The following SDK1 variants were observed in gnomAD, a reference collection of about 807,000 sequenced individuals.
The protein encoded by SDK1 is sidekick cell adhesion molecule 1.
SDK1 carries 157 observed loss-of-function variants against 245.5 expected under a neutral mutation model. The ratio of observed to expected loss-of-function variants is 0.64; its 90% CI spans 0.56 to 0.73. The LOEUF is 0.73. Among genes scored for constraint, SDK1 ranks in the 30% least tolerant of loss-of-function variants. SDK1 has a pLI of 0.00. For synonymous variants in SDK1, 1,647 were observed against 1,278.5 expected, an observed-to-expected ratio of 1.29 and a Z score of -6.15; for missense variants, 3,583 against 3,002.3, an observed-to-expected ratio of 1.19 and a Z score of -4.52.
At chr7:4,158,810 T>A (rs1420301043) in intron 31 of SDK1, among the ~76,000 whole-genome samples, 1 of 152,204 alleles carries the variant, frequency 6.6e-6, no homozygotes, top group East Asian at 1.9e-4. Flanking sequence ...ATCCCAGAAA[T>A]TGAATAATTG....
chr7:3,858,576 A>G (rs978458728), intron 5 of SDK1, among the ~76,000 whole-genome samples: 2 of 152,038 alleles, frequency 1.3e-5, no homozygotes, highest in South Asian at 4.2e-4. Context: ...CAAGTCGTCT[A>G]TGTCTGCTTT....
chr7:3,707,903 G>A (rs1784936485), intron 4 of SDK1, among the ~76,000 whole-genome samples: 1 of 152,050 alleles, frequency 6.6e-6, no homozygotes, highest in Non-Finnish European at 1.5e-5. Context: ...CTATTTGCAT[G>A]GAATATCTTT....
chr7:4,234,154 G>A (rs1206941528), intron 41 of SDK1, among the ~76,000 whole-genome samples: 1 of 152,210 alleles, frequency 6.6e-6, no homozygotes, highest in African/African-American at 2.4e-5. Context: ...CCAGCGGAGG[G>A]GCCGGGGATA....
intron 4 of SDK1, among the ~76,000 whole-genome samples, chr7:3,773,234 A>C (rs1355352455): frequency 1.3e-5 from 2 of 151,756 alleles, no homozygotes; most frequent in South Asian, 2.1e-4. Flanking sequence ...ACTTTTCTTC[A>C]ATCTTTTTTC....
At chr7:3,447,999 C>T (rs529063157) in intron 1 of SDK1, among the ~76,000 whole-genome samples, 3 of 152,206 alleles carry the variant, frequency 2.0e-5, no homozygotes, top group Non-Finnish European at 2.9e-5. Flanking sequence ...CCACTGCACC[C>T]GGCCTATATA....
At position 3,545,303 on chromosome 7, in the gene SDK1, A is replaced by G. The variant is rs112493951; in HGVS notation, c.299-73777A>G. ...AGGGGTCAGAAAAATGGTGGGGCAC[A>G]CCAAATAAACATTTTGGCAGGCGGT... is the stretch of plus-strand genomic sequence containing the variant. On this transcript the variant is annotated intron_variant, in intron 1 of 44. Coordinates refer to ENST00000404826, the MANE Select transcript of SDK1 (RefSeq NM_152744.4). 8.6e-3 allele frequency among the ~76,000 whole-genome samples: 1,312 copies of G among 152,300 alleles called. 23 individuals carry two copies. The highest frequency in any genetic ancestry group is 0.03 in the African/African-American group (1,233 of 41,562).
chr7:3,974,228 A>T, intron 12 of SDK1, 141 bp from the exon 13 acceptor site: 1 of 589,256 alleles, frequency 1.7e-6, no homozygotes, highest in Non-Finnish European at 2.8e-6. Context: ...AAGAAAAATC[A>T]CTCTTTTAAA....
intron 28 of SDK1, among the ~76,000 whole-genome samples, chr7:4,137,785 A>T (rs751829610): frequency 6.6e-6 from 1 of 152,132 alleles, no homozygotes; most frequent in Non-Finnish European, 1.5e-5. Flanking sequence ...AGTGCAGCGC[A>T]CTGATGTTTC....
chr7:3,560,190 ACT>A (rs1779704089), intron 1 of SDK1, among the ~76,000 whole-genome samples: 1 of 152,228 alleles, frequency 6.6e-6, no homozygotes, highest in African/African-American at 2.4e-5. Flanking sequence ...CGCAAAATAC[ACT>A]GTTTATCTTG....
At chr7:3,462,257 T>C (rs931592450) in intron 1 of SDK1, among the ~76,000 whole-genome samples, 1 of 152,176 alleles carries the variant, frequency 6.6e-6, no homozygotes, top group Non-Finnish European at 1.5e-5. Context: ...TTGAAATACC[T>C]GTAACAAGCA....
intron 4 of SDK1, among the ~76,000 whole-genome samples, chr7:3,784,202 A>AC (rs552130970): frequency 6.6e-6 from 1 of 151,504 alleles, no homozygotes; most frequent in South Asian, 2.1e-4. Context: ...TACAGGCATG[A>AC]CCCCCATGCC....
intron 5 of SDK1, among the ~76,000 whole-genome samples, chr7:3,921,358 C>G (rs1779580023): frequency 6.6e-6 from 1 of 152,140 alleles, no homozygotes; most frequent in African/African-American, 2.4e-5. Context: ...ATTTATTAAC[C>G]TGTCTCCATC....
At chr7:4,052,108 C>T (rs1562733286) in intron 19 of SDK1, among the ~76,000 whole-genome samples, 1 of 151,746 alleles carries the variant, frequency 6.6e-6, no homozygotes, top group Non-Finnish European at 1.5e-5. Context: ...CAGCTTTGGT[C>T]TTGCTGAACT....
intron 1 of SDK1, among the ~76,000 whole-genome samples, chr7:3,605,908 A>C (rs952587469): frequency 4.0e-5 from 6 of 151,690 alleles, no homozygotes; most frequent in African/African-American, 1.5e-4. Context: ...TTTTTAATTG[A>C]TGATTTTTTA....
At position 4,267,615 on chromosome 7, in the gene SDK1, C is replaced by G. The variant is rs867856690; in HGVS notation, c.*2231C>G. The G allele has an allele frequency of 5.1e-6, 5 of 985,470 alleles. No individual in the cohort carries two copies. Among genetic ancestry groups the G allele is most frequent in the Non-Finnish European group, 6.0e-6 (5 of 829,944 alleles). 61.0% of individuals were successfully genotyped at this position (985,470 alleles called of 1,614,324 possible). ...CTTTCTGTGCACTCTGATGACTGCT[C>G]TCTGCAGCCATGAGGATGTGGCTTT... On this transcript the variant is annotated 3_prime_UTR_variant, in exon 45 of 45. Coordinates refer to ENST00000404826, the MANE Select transcript of SDK1 (RefSeq NM_152744.4).
At chr7:3,562,957 A>G (rs970984636) in intron 1 of SDK1, among the ~76,000 whole-genome samples, 2 of 151,554 alleles carry the variant, frequency 1.3e-5, no homozygotes, top group Non-Finnish European at 2.9e-5. Context: ...GGCAAAGTTC[A>G]TTGATGTCTT....
chr7:3,984,574 A>C (rs1280839963), intron 13 of SDK1, among the ~76,000 whole-genome samples: 3 of 152,108 alleles, frequency 2.0e-5, no homozygotes, highest in African/African-American at 7.2e-5. Context: ...GCCTGTTCAC[A>C]TCTTATAGCA....
At chr7:3,529,764 G>C (rs2128617608) in intron 1 of SDK1, among the ~76,000 whole-genome samples, 1 of 152,286 alleles carries the variant, frequency 6.6e-6, no homozygotes, top group African/African-American at 2.4e-5. Context: ...ATTAATTACA[G>C]AGGGAGAGCT....
intron 13 of SDK1, among the ~76,000 whole-genome samples, chr7:3,979,238 G>T (rs777927665): frequency 1.3e-5 from 2 of 152,204 alleles, no homozygotes; most frequent in African/African-American, 4.8e-5. Context: ...GCACCCACCC[G>T]GGTTTGTAAG....
Sources: allele counts gnomAD v4.1 joint callset (sites outside exome capture counted in the v4.1 genomes callset), GRCh38; gene constraint gnomAD v4.1.1; transcripts MANE v1.5; gene names NCBI Gene and HGNC (gene_info 2026-07-23, HGNC 2026-07-21).